Variants in HMGB1 observed in about 807,000 individuals in gnomAD.
HMGB1 encodes high mobility group box 1.
For missense variants in HMGB1, 79 were observed against 253.5 expected (o/e 0.31, Z 4.67); for synonymous variants, 81 against 84.0 (o/e 0.96, Z 0.19).
intron 1 of HMGB1, among the ~76,000 whole-genome samples, chr13:30,598,519 G>A (rs1871715554): frequency 6.6e-6 from 1 of 152,234 alleles, no homozygotes. Flanking sequence ...TTTTCACAAA[G>A]TGAAATAGAA....
chr13:30,551,204 C>A (rs1869414373), intron 1 of HMGB1, among the ~76,000 whole-genome samples: 2 of 152,004 alleles, frequency 1.3e-5, no homozygotes, highest in African/African-American at 4.8e-5. Flanking sequence ...ATAAATAAAC[C>A]CCTGATGTAT....
chr13:30,615,768 C>A (rs1950554566), intron 1 of HMGB1, among the ~76,000 whole-genome samples: 1 of 152,078 alleles, frequency 6.6e-6, no homozygotes, highest in African/African-American at 2.4e-5. Flanking sequence ...GTAGAAGGTG[C>A]ACGAGCTGAC....
chr13:30,461,798 C>T (rs1042815394), intron 4 of HMGB1: 2 of 670,440 alleles, frequency 3.0e-6, no homozygotes, highest in Admixed American at 2.9e-5. Context: ...CAATTATGTA[C>T]CACATCCTAA....
rs1190136898 is a variant in HMGB1, at chr13:30,559,954, G to C, written c.-15+56717C>G. Among the ~76,000 whole-genome samples the C allele has an allele frequency of 6.6e-6, 1 of 152,088 alleles. No homozygotes were observed. Among genetic ancestry groups the C allele is most frequent in the East Asian group, 1.9e-4 (1 of 5,190 alleles). The stretch of plus-strand genomic sequence containing the variant: ...AGTGAGATGGATGATGCCTTCACAT[G>C]ACTCAGATGTCACGTGTTTCTCACC... On this transcript the variant is annotated intron_variant, in intron 1 of 4. Coordinates refer to the HMGB1 transcript ENST00000405805. This position sits in a 1 kb window ranked among gnomAD's most constrained non-coding sequence, Gnocchi z 6.6.
intron 1 of HMGB1, chr13:30,543,125 T>G (rs1007194556): frequency 1.4e-5 from 2 of 146,068 alleles, no homozygotes; most frequent in African/African-American, 5.2e-5. Context: ...AGGTTTTTTT[T>G]TTTTTTTTTT....
At chr13:30,604,815 A>G (rs773500328) in intron 1 of HMGB1, among the ~76,000 whole-genome samples, 3 of 152,002 alleles carry the variant, frequency 2.0e-5, no homozygotes, top group Admixed American at 1.3e-4. Context: ...GTGCCACCAC[A>G]CCCAGCTAAT....
At chr13:30,464,005 A>T in intron 1 of HMGB1, 2 of 674,462 alleles carry the variant, frequency 3.0e-6, no homozygotes, top group Non-Finnish European at 3.7e-6. Flanking sequence ...CTGGTCACTT[A>T]AACGATTTTA....
At chr13:30,577,419 G>A (rs1451313688) in intron 1 of HMGB1, among the ~76,000 whole-genome samples, 1 of 151,582 alleles carries the variant, frequency 6.6e-6, no homozygotes, top group Non-Finnish European at 1.5e-5. Flanking sequence ...AGCACCTGGA[G>A]GACTTCCAGC....
intron 1 of HMGB1, among the ~76,000 whole-genome samples, chr13:30,563,770 CA>C (rs1178239726): frequency 6.6e-6 from 1 of 152,186 alleles, no homozygotes; most frequent in African/African-American, 2.4e-5. Context: ...GTGTCTTTGG[CA>C]AAACTGTTAT....
At chr13:30,530,304 G>A (rs1240761857) in intron 1 of HMGB1, among the ~76,000 whole-genome samples, 1 of 152,140 alleles carries the variant, frequency 6.6e-6, no homozygotes, top group African/African-American at 2.4e-5. Context: ...CCATGCCCAC[G>A]ATATCTCATT....
chr13:30,505,392 A>T (rs541986854), intron 1 of HMGB1, among the ~76,000 whole-genome samples: 17 of 151,514 alleles, frequency 1.1e-4, no homozygotes, highest in African/African-American at 3.4e-4. Flanking sequence ...GTTAGCCAGG[A>T]TGGTCTCCAT....
intron 1 of HMGB1, among the ~76,000 whole-genome samples, chr13:30,604,091 C>T (rs1189632204): frequency 6.6e-6 from 1 of 151,002 alleles, no homozygotes; most frequent in African/African-American, 2.4e-5. Flanking sequence ...AGGCTGCATC[C>T]ATCTAGTGGA....
chr13:30,502,807 C>T (rs1887764280), intron 1 of HMGB1, among the ~76,000 whole-genome samples: 1 of 152,040 alleles, frequency 6.6e-6, no homozygotes, highest in Admixed American at 6.6e-5. Context: ...TCCCAAGTAG[C>T]TGGGATTACA....
intron 3 of HMGB1, 38 bp from the exon 4 acceptor site, chr13:30,462,750 G>A (rs1368161035): frequency 1.3e-6 from 2 of 1,552,466 alleles, no homozygotes; most frequent in Non-Finnish European, 1.8e-6. Flanking sequence ...TAAGTTAACA[G>A]ATCACAAAAA....
At chr13:30,536,234 A>G (rs1197435069) in intron 1 of HMGB1, among the ~76,000 whole-genome samples, 2 of 152,238 alleles carry the variant, frequency 1.3e-5, no homozygotes, top group Non-Finnish European at 2.9e-5. Context: ...TCAAAACAAC[A>G]TATATGCATA....
At chr13:30,613,101 G>A (rs775330778) in intron 1 of HMGB1, among the ~76,000 whole-genome samples, 4 of 152,102 alleles carry the variant, frequency 2.6e-5, no homozygotes, top group Non-Finnish European at 5.9e-5. Context: ...TTGTTTTTCT[G>A]ACAGTATGGT....
rs548611575 is a variant in HMGB1, at chr13:30,512,614, C to A, written c.-14-48920G>T. Among the ~76,000 whole-genome samples, 4 of 152,328 alleles carry A rather than the reference C, an allele frequency of 2.6e-5. No homozygotes were observed. The East Asian group carries it at 5.8e-4, about 22-fold the overall frequency. On this transcript the variant is annotated intron_variant, in intron 1 of 4. Transcript: ENST00000405805. ...GACCAAATGCATTGGCCTTCAGCTG[C>A]ATACATATGCGTGGATAATCAGTTT...
rs1000175895 is a variant in HMGB1 at position 30,564,973 on chromosome 13, C to A, written c.-15+51698G>T. 7.2e-5 allele frequency among the ~76,000 whole-genome samples: 11 copies of A among 152,310 alleles called. No individual in the cohort carries two copies. In the East Asian group the frequency reaches 2.1e-3, roughly 29 times the overall value. ...TCTCCTAATGCAGCAAATTAAAACA[C>A]ATGATAGCTACAATTAATGAAGTAC... On this transcript the variant is annotated intron_variant, in intron 1 of 4. Coordinates refer to the HMGB1 transcript ENST00000405805.
chr13:30,496,517 C>A (rs1440178223), intron 1 of HMGB1, among the ~76,000 whole-genome samples: 5 of 152,174 alleles, frequency 3.3e-5, no homozygotes, highest in African/African-American at 4.8e-5. Context: ...CATGGCAGTT[C>A]AGACACTGTG....
Sources: allele counts gnomAD v4.1 joint callset (sites outside exome capture counted in the v4.1 genomes callset), GRCh38; gene constraint gnomAD v4.1.1; non-coding constraint Gnocchi (gnomAD v3.1); transcripts MANE v1.5; gene names NCBI Gene and HGNC (gene_info 2026-07-23, HGNC 2026-07-21).